UGT2A2: variants seen among roughly 807,000 people sequenced by gnomAD.
The protein encoded by UGT2A2 is UDP glucuronosyltransferase family 2 member A2.
Under a neutral mutation model 50.7 loss-of-function variants are expected in UGT2A2, and 60 were observed. That is an observed-to-expected ratio of 1.18 (90% CI 0.96 to 1.47). UGT2A2 has a LOEUF of 1.47. UGT2A2 is among the 40% of genes most tolerant of loss of function. The pLI, the probability that UGT2A2 is intolerant of heterozygous loss-of-function variation, is 0.00. For missense variants in UGT2A2, 762 were observed against 634.0 expected (o/e 1.20, Z -2.17); for synonymous variants, 242 against 214.6 (o/e 1.13, Z -1.11).
intron 1 of UGT2A2, among the ~76,000 whole-genome samples, chr4:69,630,200 G>A (rs2109953837): frequency 6.6e-6 from 1 of 152,056 alleles, no homozygotes; most frequent in Admixed American, 6.6e-5. Context: ...ATTTAATGAG[G>A]ATATACCAAT....
chr4:69,635,456 G>A (rs574380906), intron 1 of UGT2A2, among the ~76,000 whole-genome samples: 46 of 152,258 alleles, frequency 3.0e-4, no homozygotes, highest in Non-Finnish European at 7.3e-5. Flanking sequence ...TTCTATTGCT[G>A]CAGCAAAGGC....
At chr4:69,613,469 T>C (rs1720187166) in intron 1 of UGT2A2, among the ~76,000 whole-genome samples, 1 of 151,886 alleles carries the variant, frequency 6.6e-6, no homozygotes, top group Admixed American at 6.6e-5. Flanking sequence ...TTCCAAAACA[T>C]AGTATTCCAA....
intron 1 of UGT2A2, among the ~76,000 whole-genome samples, chr4:69,637,997 CAGGAAGGA>C (rs200856756): frequency 5.3e-4 from 71 of 133,074 alleles, no homozygotes; most frequent in East Asian, 5.2e-3. Flanking sequence ...GGAAGGCAGG[CAGGAAGGA>C]AGGAAGGAAG....
At position 69,588,454 on chromosome 4, in the gene UGT2A2, A is replaced by T. The variant is rs1308743700; in HGVS notation, c.*918T>A. On this transcript the variant is annotated 3_prime_UTR_variant, in exon 6 of 6. Coordinates refer to ENST00000604629, the MANE Select transcript of UGT2A2 (RefSeq NM_001105677.2). ...TAAGCATTTTTTATTTTTTGGCATA[A>T]AATTAAACTTTTGATTACAAATAGT... 3 of 152,106 alleles carry T rather than the reference A, an allele frequency of 2.0e-5. No homozygotes were observed. Among genetic ancestry groups the T allele is most frequent in the Non-Finnish European group, 2.9e-5 (2 of 67,978 alleles). The allele number at this position is 152,106 out of a possible 1,614,324, so 9.4% of individuals were successfully genotyped here.
intron 1 of UGT2A2, among the ~76,000 whole-genome samples, chr4:69,629,493 ATTT>A (rs1721267537): frequency 6.6e-6 from 1 of 151,966 alleles, no homozygotes; most frequent in Non-Finnish European, 1.5e-5. Flanking sequence ...TATCAATGTG[ATTT>A]ACCATGATCA....
At chr4:69,606,689 A>C (rs1560474581) in intron 1 of UGT2A2, among the ~76,000 whole-genome samples, 1 of 136,820 alleles carries the variant, frequency 7.3e-6, no homozygotes, top group Non-Finnish European at 1.6e-5. Context: ...TCTCAGCCCA[A>C]AATCTCCTTA....
intron 1 of UGT2A2, among the ~76,000 whole-genome samples, chr4:69,604,428 C>T (rs1296960600): frequency 7.3e-6 from 1 of 136,812 alleles, no homozygotes; most frequent in African/African-American, 3.0e-5. Context: ...AAGCACTAAA[C>T]ATAGAAAGGA....
intron 1 of UGT2A2, chr4:69,603,542 A>C (rs11721681): frequency 0.18 from 25,072 of 136,224 alleles, 6,103 homozygotes; most frequent in Non-Finnish European, 0.22. Context: ...AGCTCCTCAC[A>C]CGCAACAGAA....
intron 1 of UGT2A2, among the ~76,000 whole-genome samples, chr4:69,631,648 G>T (rs1265411171): frequency 6.6e-6 from 1 of 152,150 alleles, no homozygotes; most frequent in Non-Finnish European, 1.5e-5. Context: ...GCCAAGCAAG[G>T]AGAGGAGTGT....
chr4:69,596,898 G>A (rs1052181391), intron 2 of UGT2A2, among the ~76,000 whole-genome samples: 1 of 152,148 alleles, frequency 6.6e-6, no homozygotes, highest in South Asian at 2.1e-4. Context: ...ACAAGTCCAA[G>A]CATGAAAGCA....
intron 1 of UGT2A2, among the ~76,000 whole-genome samples, chr4:69,619,750 C>T (rs1221794215): frequency 6.6e-6 from 1 of 151,844 alleles, no homozygotes; most frequent in African/African-American, 2.4e-5. Flanking sequence ...TGCAAAAATC[C>T]TCAACAAAAT....
At chr4:69,615,274 C>T (rs1720311498) in intron 1 of UGT2A2, among the ~76,000 whole-genome samples, 1 of 151,868 alleles carries the variant, frequency 6.6e-6, no homozygotes, top group Non-Finnish European at 1.5e-5. Flanking sequence ...ATTTAAAACC[C>T]GAAACTTTGA....
At chr4:69,620,298 A>T (rs1720671084) in intron 1 of UGT2A2, among the ~76,000 whole-genome samples, 1 of 151,812 alleles carries the variant, frequency 6.6e-6, no homozygotes, top group Admixed American at 6.6e-5. Flanking sequence ...CAGGAAAAAA[A>T]ATCTATCTAC....
At position 69,589,553 on chromosome 4, in the gene UGT2A2, T is replaced by C. The variant is rs756392602; in HGVS notation, c.1430A>G (p.His477Arg). 2 of 1,614,054 alleles carry C rather than the reference T, an allele frequency of 1.2e-6. No homozygotes were observed. Among genetic ancestry groups the C allele is most frequent in the African/African-American group, 1.3e-5 (1 of 75,014 alleles). Residue 477 changes from histidine to arginine, a missense_variant, in exon 6 of 6, where the codon CAC becomes CGC. Coordinates refer to ENST00000604629, the MANE Select transcript of UGT2A2 (RefSeq NM_001105677.2). ...AVFWIEFVMR[H>R]KGAKHLRVAA... ...AACCCGAAGGTGCTTGGCTCCTTTG[T>C]GGCGCATGACAAACTCGATCCAGAA...
At chr4:69,591,609 C>T (rs1187023671) in intron 5 of UGT2A2, among the ~76,000 whole-genome samples, 2 of 152,146 alleles carry the variant, frequency 1.3e-5, no homozygotes, top group African/African-American at 2.4e-5. Context: ...ATTTGACCCT[C>T]ATTTCCCATC....
At chr4:69,590,707 C>T (rs1404917930) in intron 5 of UGT2A2, among the ~76,000 whole-genome samples, 1 of 151,842 alleles carries the variant, frequency 6.6e-6, no homozygotes, top group African/African-American at 2.4e-5. Flanking sequence ...TAAGTAATTT[C>T]ACATGGATCA....
Position 69,605,474 on chromosome 4 carries a change from G to T in UGT2A2, c.743-6080C>A, listed in dbSNP as rs373886758. Among the ~76,000 whole-genome samples, 38 of 136,812 alleles carry T rather than the reference G, an allele frequency of 2.8e-4. 6 individuals carry two copies. The highest frequency in any genetic ancestry group is 2.5e-3 in the Admixed American group (34 of 13,872). 89.8% of individuals were successfully genotyped at this position (136,812 alleles called of 152,430 possible). ...AATGCCCACAGAACAGAGCAGGAAA[G>T]ATCTAAAATTGACACCCCAACATCA... is the stretch of plus-strand genomic sequence containing the variant. On this transcript the variant is annotated intron_variant, in intron 1 of 5. Coordinates refer to ENST00000604629, the MANE Select transcript of UGT2A2 (RefSeq NM_001105677.2).
Position 69,630,736 on chromosome 4 carries a change from A to T in UGT2A2, c.742+8163T>A, listed in dbSNP as rs1285599354. ...GTATAAAAATTATATATGTTTTATTATGTTAGCGAACTGGTATACAGACCC... is the reference window on the plus strand; with the variant it reads ...GTATAAAAATTATATATGTTTTATTTTGTTAGCGAACTGGTATACAGACCC... On this transcript the variant is annotated intron_variant, in intron 1 of 5. Coordinates refer to ENST00000604629, the MANE Select transcript of UGT2A2 (RefSeq NM_001105677.2). Among the ~76,000 whole-genome samples, 10 of 152,280 alleles carry T rather than the reference A, an allele frequency of 6.6e-5. No homozygotes were observed. In the South Asian group the frequency reaches 1.9e-3, roughly 28 times the overall value.
intron 1 of UGT2A2, among the ~76,000 whole-genome samples, chr4:69,624,380 A>T (rs1720919252): frequency 6.6e-6 from 1 of 151,278 alleles, no homozygotes; most frequent in Admixed American, 6.6e-5. Flanking sequence ...GATAGCACAG[A>T]GTTTAGTCTT....
Sources: gnomAD v4.1 joint callset for allele counts (sites outside exome capture counted in the v4.1 genomes callset) on GRCh38, gnomAD v4.1.1 for gene constraint, MANE v1.5 for transcripts, NCBI Gene and HGNC (gene_info 2026-07-23, HGNC 2026-07-21) for gene names.